The following WWOX variants were observed in gnomAD, a reference collection of about 807,000 sequenced individuals.
The protein encoded by WWOX is WW domain-containing oxidoreductase.
A neutral mutation model predicts 46.2 loss-of-function variants in WWOX; 69 were observed. The observed-to-expected ratio is 1.49, with a 90% confidence interval of 1.23 to 1.82. The LOEUF (loss-of-function observed/expected upper bound fraction) is 1.82, where lower values mean the gene tolerates loss of function less well. Among genes scored for constraint, WWOX ranks in the 40% most tolerant of loss-of-function variants. The pLI is 0.00. For missense variants in WWOX, 919 were observed against 542.6 expected, an observed-to-expected ratio of 1.69 and a Z score of -6.89; for synonymous variants, 359 against 202.6, an observed-to-expected ratio of 1.77 and a Z score of -6.56.
intron 5 of WWOX, among the ~76,000 whole-genome samples, chr16:78,281,618 A>G (rs1221804029): frequency 6.6e-6 from 1 of 152,208 alleles, no homozygotes; most frequent in East Asian, 1.9e-4. Context: ...GAAAACAGGC[A>G]TAAACGACAT....
chr16:78,892,884 C>G (rs2044621499), intron 8 of WWOX, among the ~76,000 whole-genome samples: 1 of 152,202 alleles, frequency 6.6e-6, no homozygotes, highest in Admixed American at 6.5e-5. Flanking sequence ...TCATTGGTAT[C>G]TCCTACGCCA....
chr16:78,262,009 G>A (rs1480064456), intron 5 of WWOX, among the ~76,000 whole-genome samples: 2 of 146,584 alleles, frequency 1.4e-5, no homozygotes, highest in African/African-American at 5.0e-5. Context: ...AGAATCGCTT[G>A]AACCTGGGAA....
chr16:78,144,486 TACACACACACACAC>T (rs1215643920), intron 4 of WWOX, among the ~76,000 whole-genome samples: 36 of 19,818 alleles, frequency 1.8e-3, no homozygotes, highest in African/African-American at 2.5e-3. Flanking sequence ...TATATATATA[TACACACACACACAC>T]ATATATATAT....
In WWOX at chr16:78,538,163, C is replaced by G. The variant is rs147159157; in HGVS notation, c.1056+105411C>G. ...AAAATTTAGTGATTGCCAGTCCATTCTCTAGCCTTCTGAAGAAGATAGATT... is the reference window on the plus strand; with the variant it reads ...AAAATTTAGTGATTGCCAGTCCATTGTCTAGCCTTCTGAAGAAGATAGATT... On this transcript the variant is annotated intron_variant, in intron 8 of 8. Coordinates refer to ENST00000566780, the MANE Select transcript of WWOX (RefSeq NM_016373.4). Among the ~76,000 whole-genome samples, 255 of 132,994 alleles carry G rather than the reference C, an allele frequency of 1.9e-3. 1 individual carries two copies. The highest frequency in any genetic ancestry group is 6.4e-3 in the African/African-American group (229 of 35,798). The allele number at this position is 132,994 out of a possible 152,430, so 87.2% of individuals were successfully genotyped here. A position where few individuals can be genotyped will look rare whatever the true frequency, so the allele number is the denominator to read the frequency against.
intron 8 of WWOX, among the ~76,000 whole-genome samples, chr16:78,758,347 C>G (rs377651746): frequency 6.6e-5 from 10 of 152,128 alleles, no homozygotes; most frequent in African/African-American, 2.2e-4. Context: ...AAAACCAAAG[C>G]AAGATCTTTT....
At chr16:78,443,509 A>G (rs138523491) in intron 8 of WWOX, among the ~76,000 whole-genome samples, 1,638 of 152,272 alleles carry the variant, frequency 0.011, 12 homozygotes, top group Non-Finnish European at 0.018. Context: ...GAGGGAAACT[A>G]GATCTGCCTT....
At chr16:78,463,664 G>T (rs2084006040) in intron 8 of WWOX, among the ~76,000 whole-genome samples, 1 of 152,178 alleles carries the variant, frequency 6.6e-6, no homozygotes, top group African/African-American at 2.4e-5. Context: ...TTTTGATTCT[G>T]TGACTGTTAG....
chr16:78,668,303 C>A (rs910729775), intron 8 of WWOX, among the ~76,000 whole-genome samples: 1 of 152,040 alleles, frequency 6.6e-6, no homozygotes, highest in Non-Finnish European at 1.5e-5. Context: ...AAAAAACATA[C>A]AACTTAACTC....
Position 78,341,739 on chromosome 16 carries a change from G to A in WWOX, c.517-45121G>A, listed in dbSNP as rs938867734. The stretch of plus-strand genomic sequence containing the variant: ...AAACCTCCATGGGTGGCAGGTCAGT[G>A]TTGCTGAGGGATGTGGACATGTCTG... On this transcript the variant is annotated intron_variant, in intron 5 of 8. Coordinates refer to ENST00000566780, the MANE Select transcript of WWOX (RefSeq NM_016373.4). Among the ~76,000 whole-genome samples the A allele has an allele frequency of 1.3e-4, 16 of 120,732 alleles. 4 individuals carry two copies. Among genetic ancestry groups the A allele is most frequent in the Admixed American group, 1.2e-3 (15 of 12,418 alleles). The allele number at this position is 120,732 out of a possible 152,430, so 79.2% of individuals were successfully genotyped here.
At chr16:78,519,001 C>T (rs1396551999) in intron 8 of WWOX, among the ~76,000 whole-genome samples, 2 of 152,216 alleles carry the variant, frequency 1.3e-5, no homozygotes, top group Admixed American at 6.5e-5. Context: ...GATTTCTCAC[C>T]TACTGGCAAG....
intron 8 of WWOX, among the ~76,000 whole-genome samples, chr16:78,736,262 A>G (rs573501438): frequency 6.6e-6 from 1 of 152,284 alleles, no homozygotes; most frequent in Non-Finnish European, 1.5e-5. Context: ...GGGCTGTGGT[A>G]CCTTCGTGTC....
chr16:78,554,421 A>T (rs910475513), intron 8 of WWOX, among the ~76,000 whole-genome samples: 5 of 152,216 alleles, frequency 3.3e-5, no homozygotes, highest in Non-Finnish European at 7.3e-5. Context: ...AATGGGTTTT[A>T]AGCTCCATAC....
chr16:78,480,048 G>A (rs187506461), intron 8 of WWOX, among the ~76,000 whole-genome samples: 37 of 152,328 alleles, frequency 2.4e-4, no homozygotes, highest in African/African-American at 8.9e-4. Flanking sequence ...CAACTAGGTG[G>A]ATTACAGAAT....
intron 8 of WWOX, among the ~76,000 whole-genome samples, chr16:78,637,602 A>G (rs2046605309): frequency 1.3e-5 from 2 of 152,162 alleles, no homozygotes; most frequent in South Asian, 4.1e-4. Flanking sequence ...TTACTCACTG[A>G]CATCATTCCC....
intron 5 of WWOX, among the ~76,000 whole-genome samples, chr16:78,367,938 G>C (rs964090473): frequency 6.6e-5 from 10 of 151,986 alleles, no homozygotes; most frequent in Admixed American, 6.6e-4. Flanking sequence ...TGTATTTTTA[G>C]TGGAGACGGG....
At chr16:78,860,024 A>G (rs567116908) in intron 8 of WWOX, among the ~76,000 whole-genome samples, 4 of 152,226 alleles carry the variant, frequency 2.6e-5, no homozygotes, top group African/African-American at 7.2e-5. Flanking sequence ...TTTCACGAGT[A>G]AACTTTTTAG....
chr16:79,186,759 T>C (rs1197571436), intron 8 of WWOX, among the ~76,000 whole-genome samples: 2 of 152,058 alleles, frequency 1.3e-5, no homozygotes, highest in Non-Finnish European at 2.9e-5. Flanking sequence ...AGTCTGGGAA[T>C]TTTTCTCCAA....
intron 8 of WWOX, among the ~76,000 whole-genome samples, chr16:78,561,958 C>T (rs1053496824): frequency 7.4e-6 from 1 of 134,826 alleles, no homozygotes; most frequent in African/African-American, 3.2e-5. Context: ...GGAAAAAGCG[C>T]AATGACTTTT....
At position 78,705,270 on chromosome 16, in the gene WWOX, C is replaced by G. The variant is rs945793210; in HGVS notation, c.1056+272518C>G. Among the ~76,000 whole-genome samples the G allele has an allele frequency of 5.3e-5, 8 of 152,266 alleles. No individual in the cohort carries two copies. The East Asian group carries it at 1.3e-3, about 26-fold the overall frequency. ...CTCTATGCATATTGTTTACATTTAT[C>G]AAATGTTGTCCTGCCCAGTACTTTA... On this transcript the variant is annotated intron_variant, in intron 8 of 8. Transcript: ENST00000566780.
Sources: gnomAD v4.1 joint callset for allele counts (sites outside exome capture counted in the v4.1 genomes callset) on GRCh38, gnomAD v4.1.1 for gene constraint, MANE v1.5 for transcripts, NCBI Gene and HGNC (gene_info 2026-07-23, HGNC 2026-07-21) for gene names.